KLHL11: variants seen among roughly 807,000 people sequenced by gnomAD.
The protein encoded by KLHL11 is kelch like family member 11.
In KLHL11, 26 loss-of-function variants were observed where a neutral mutation model predicts 56.1. That is an observed-to-expected ratio of 0.46 (90% confidence interval 0.34 to 0.64). KLHL11 has a LOEUF of 0.64. Among genes scored for constraint, KLHL11 ranks in the 30% least tolerant of loss-of-function variants. The pLI is 0.01. For missense variants in KLHL11, 627 were observed against 919.4 expected (o/e 0.68, Z 4.11); for synonymous variants, 338 against 345.8 (o/e 0.98, Z 0.25).
In KLHL11 at chr17:41,854,333, C is replaced by T. The variant is rs1555622293; in HGVS notation, c.1534G>A (p.Val512Ile). 6.2e-7 allele frequency: 1 copy of T among 1,614,196 alleles called. No individual in the cohort carries two copies. ...RFVYIAARTP[V>I]DRDTEDGLKA... ...AATCCATCTTCAGTGTCCCGGTCTACAGGAGTGCGGGCGGCAATGTATACA... is the reference window on the plus strand; with the variant it reads ...AATCCATCTTCAGTGTCCCGGTCTATAGGAGTGCGGGCGGCAATGTATACA... The change falls in exon 2 of 2, where the codon GTA becomes ATA. Residue 512 changes from valine (V) to isoleucine (I), a missense_variant. Coordinates refer to ENST00000319121, the MANE Select transcript of KLHL11 (RefSeq NM_018143.3). This position sits in a 1 kb window ranked among gnomAD's most constrained non-coding sequence, Gnocchi z 4.9.
In KLHL11 at chr17:41,854,551, A is replaced by C; in HGVS notation, c.1316T>G (p.Leu439Arg). Residue 439 changes from leucine to arginine, a missense_variant, in exon 2 of 2, where the codon CTG becomes CGG. Leu to Arg is a moderately radical substitution (Grantham distance 102). Transcript: ENST00000319121. The surrounding 1 kb of genome is among the most constrained non-coding windows in gnomAD (Gnocchi z 4.9). ...NLNTWEHVCS[L>R]MTRKHSFGLT... ...TCCAAAAGAATGCTTTCTTGTCATCAGACTACAAACATGTTCCCATGTATT... is the reference window on the plus strand; with the variant it reads ...TCCAAAAGAATGCTTTCTTGTCATCCGACTACAAACATGTTCCCATGTATT... 6.2e-7 allele frequency: 1 copy of C among 1,614,214 alleles called. No individual in the cohort carries two copies.
Position 41,864,813 on chromosome 17 carries a change from C to G in KLHL11, c.545+13G>C, listed in dbSNP as rs373900021. 1.0e-4 allele frequency: 150 copies of G among 1,492,130 alleles called. No individual in the cohort carries two copies. In the African/African-American group the frequency reaches 1.9e-3, roughly 19 times the overall value. 92.4% of individuals were successfully genotyped at this position (1,492,130 alleles called of 1,614,324 possible). ...CGCCCGCCGCCCTCCGCGCTCCCGC[C>G]TCCCTCGCCTACCTGTCGGCCAACT... On this transcript the variant is annotated intron_variant, in intron 1 of 1. Transcript: ENST00000319121.
At position 41,852,649 on chromosome 17, in the gene KLHL11, G is replaced by A. The variant is rs2048338395; in HGVS notation, c.*1091C>T. ...CTACTAAAAGCACAAAAATTAGCCA[G>A]GCGTGATGGTGGGTACCTGTAATCC... On this transcript the variant is annotated 3_prime_UTR_variant, in exon 2 of 2. Coordinates refer to ENST00000319121, the MANE Select transcript of KLHL11 (RefSeq NM_018143.3). Among the ~76,000 whole-genome samples, 1 of 151,880 alleles carries A rather than the reference G, an allele frequency of 6.6e-6. No homozygotes were observed. Among genetic ancestry groups the A allele is most frequent in the South Asian group, 2.1e-4 (1 of 4,810 alleles).
intron 1 of KLHL11, among the ~76,000 whole-genome samples, chr17:41,858,533 A>G (rs1227464030): frequency 1.3e-5 from 2 of 151,774 alleles, no homozygotes; most frequent in African/African-American, 4.8e-5. Context: ...CCCGGGTTCA[A>G]GCGATTCTCC....
At chr17:41,864,641 C>T (rs2048425548) in intron 1 of KLHL11, among the ~76,000 whole-genome samples, 185 bp downstream of exon 1, 1 of 152,262 alleles carries the variant, frequency 6.6e-6, no homozygotes, top group African/African-American at 2.4e-5. Flanking sequence ...CTCGCCGGAC[C>T]TGATGGTGCA....
Position 41,865,220 on chromosome 17 carries a change from C to G in KLHL11, c.151G>C (p.Gly51Arg). 6.2e-7 allele frequency: 1 copy of G among 1,602,818 alleles called. No individual in the cohort carries two copies. Among genetic ancestry groups the G allele is most frequent in the African/African-American group, 1.3e-5 (1 of 74,256 alleles). Residue 51 changes from glycine (G) to arginine (R), a missense_variant, in exon 1 of 2, where the codon GGG becomes CGG. Coordinates refer to ENST00000319121, the MANE Select transcript of KLHL11 (RefSeq NM_018143.3). The part of the protein sequence containing the change: ...RGSGTVDFGP[G>R]PGISAMEASG... ...GCCTCCATTGCAGAGATCCCCGGCCCAGGCCCGAAGTCCACCGTGCCGCTG... is the reference window on the plus strand; with the variant it reads ...GCCTCCATTGCAGAGATCCCCGGCCGAGGCCCGAAGTCCACCGTGCCGCTG...
In KLHL11 at chr17:41,864,986, G is replaced by A; in HGVS notation, c.385C>T (p.Gln129Ter). 6.2e-7 allele frequency: 1 copy of A among 1,610,126 alleles called. No individual in the cohort carries two copies. The highest frequency in any genetic ancestry group is 8.5e-7 in the Non-Finnish European group (1 of 1,178,500). ...CGTCCCGAGCGGGACTCGGAAAACT[G>A]GCCCGAGAGCAGGGGCGTGAAGTAC... ...TEYFTPLLSG[Q>*]FSESRSGRVE... The change falls in exon 1 of 2, where the codon CAG (glutamine) becomes TAG (stop). Residue 129 changes from glutamine to a stop codon, truncating the protein, a stop_gained. Transcript: ENST00000319121. LOFTEE classifies it high-confidence loss of function.
At chr17:41,856,915 G>A (rs2048370266) in intron 1 of KLHL11, among the ~76,000 whole-genome samples, 2 of 152,054 alleles carry the variant, frequency 1.3e-5, no homozygotes, top group Admixed American at 6.6e-5. Flanking sequence ...AGCTACTCGG[G>A]AGGCTGAGGC....
At chr17:41,861,302 C>T (rs1555623038) in intron 1 of KLHL11, among the ~76,000 whole-genome samples, 1 of 152,194 alleles carries the variant, frequency 6.6e-6, no homozygotes. Flanking sequence ...AAACTTCAGT[C>T]ACCCTTAGAG....
At chr17:41,856,028 T>C (rs945679597) in intron 1 of KLHL11, among the ~76,000 whole-genome samples, 5 of 150,906 alleles carry the variant, frequency 3.3e-5, no homozygotes, top group Non-Finnish European at 7.4e-5. Context: ...TCTCACTTTA[T>C]CGGCCAGGCT....
rs1396797003 is a variant in KLHL11 at position 41,852,876 on chromosome 17, T to C, written c.*864A>G. 6.6e-6 allele frequency among the ~76,000 whole-genome samples: 1 copy of C among 152,004 alleles called. No individual in the cohort carries two copies. Among genetic ancestry groups the C allele is most frequent in the Non-Finnish European group, 1.5e-5 (1 of 67,994 alleles). Reference sequence around the variant, plus strand: ...GGAAGGCATTGAGTGTCGATTGTCATAGGCATTATTTACACTCATTAACAT... The same window carrying C: ...GGAAGGCATTGAGTGTCGATTGTCACAGGCATTATTTACACTCATTAACAT... On this transcript the variant is annotated 3_prime_UTR_variant, in exon 2 of 2. Coordinates refer to ENST00000319121, the MANE Select transcript of KLHL11 (RefSeq NM_018143.3).
chr17:41,854,885 T>C lies in KLHL11; in HGVS notation c.982A>G (p.Arg328Gly). The C allele has an allele frequency of 6.2e-7, 1 of 1,614,190 alleles. No individual in the cohort carries two copies. Among genetic ancestry groups the C allele is most frequent in the Non-Finnish European group, 8.5e-7 (1 of 1,180,030 alleles). The part of the protein sequence containing the change: ...CVKLVADAVE[R>G]HALRAENIQS... ...ATATTCTCAGCTCTCAGAGCATGTC[T>C]CTCCACTGCGTCAGCGACCAACTTG... Residue 328 changes from arginine (R) to glycine (G), a missense_variant, in exon 2 of 2, where the codon AGA becomes GGA. Coordinates refer to ENST00000319121, the MANE Select transcript of KLHL11 (RefSeq NM_018143.3). The surrounding 1 kb of genome is among the most constrained non-coding windows in gnomAD (Gnocchi z 4.9).
chr17:41,858,844 G>C (rs1183414487), intron 1 of KLHL11, among the ~76,000 whole-genome samples: 1 of 152,000 alleles, frequency 6.6e-6, no homozygotes, highest in Non-Finnish European at 1.5e-5. Context: ...TTAGTGCTGA[G>C]ATTACAGGTG....
At chr17:41,860,870 A>G (rs1025999539) in intron 1 of KLHL11, among the ~76,000 whole-genome samples, 1 of 152,198 alleles carries the variant, frequency 6.6e-6, no homozygotes, top group Non-Finnish European at 1.5e-5. Context: ...AATAACCAGA[A>G]TATTTCACCC....
intron 1 of KLHL11, among the ~76,000 whole-genome samples, chr17:41,858,811 T>C (rs2048384773): frequency 1.3e-5 from 2 of 152,100 alleles, no homozygotes; most frequent in African/African-American, 4.8e-5. Context: ...CTTAAACTCC[T>C]GAGCTCAAGC....
rs537254298 is a variant in KLHL11 at position 41,849,260 on chromosome 17, G to A, written c.*4480C>T. On this transcript the variant is annotated 3_prime_UTR_variant, in exon 2 of 2. Transcript: ENST00000319121. Reference sequence around the variant, plus strand: ...CTTTCAAAGACATGAAATGTGGCCCGTATACTATATTTAAACTTAATTTGA... The same window carrying A: ...CTTTCAAAGACATGAAATGTGGCCCATATACTATATTTAAACTTAATTTGA... 13 of 151,954 alleles carry A rather than the reference G, an allele frequency of 8.6e-5. No individual in the cohort carries two copies. Among genetic ancestry groups the A allele is most frequent in the East Asian group, 5.8e-4 (3 of 5,184 alleles). 9.4% of individuals were successfully genotyped at this position (151,954 alleles called of 1,614,324 possible). A position where few individuals can be genotyped will look rare whatever the true frequency, so the allele number is the denominator to read the frequency against.
chr17:41,865,128 G>A lies in KLHL11; in HGVS notation c.243C>T (p.Ser81=), dbSNP rs2048430894. The part of the protein sequence containing the change: ...FECSSHCSEL[S]WRQNEQRRQG... ...GGCGCCGCTGCTCGTTCTGCCGCCA[G>A]GACAGCTCTGAGCAGTGAGAGCTGC... Residue 81 remains serine (S), a synonymous_variant, in exon 1 of 2, where the codon TCC becomes TCT. Coordinates refer to ENST00000319121, the MANE Select transcript of KLHL11 (RefSeq NM_018143.3). 20 of 1,609,978 alleles carry A rather than the reference G, an allele frequency of 1.2e-5. No homozygotes were observed. Among genetic ancestry groups the A allele is most frequent in the Non-Finnish European group, 1.6e-5 (19 of 1,178,510 alleles).
Position 41,854,980 on chromosome 17 carries a change from T to C in KLHL11, c.887A>G (p.Gln296Arg). The C allele has an allele frequency of 1.9e-6, 3 of 1,614,220 alleles. No homozygotes were observed. The highest frequency in any genetic ancestry group is 2.5e-6 in the Non-Finnish European group (3 of 1,180,038). Residue 296 changes from glutamine to arginine, a missense_variant, in exon 2 of 2, where the codon CAG (glutamine) becomes CGG (arginine). Physicochemically the swap from Gln to Arg is conservative, Grantham distance 43. Transcript: ENST00000319121. This position sits in a 1 kb window ranked among gnomAD's most constrained non-coding sequence, Gnocchi z 4.9. The part of the protein sequence containing the change: ...EELFKLLRLS[Q>R]MKPTYLTRHV... ...TCGAGTAAGGTAGGTAGGTTTCATC[T>C]GGGACAACCTGAGCAATTTAAAAAG...
In KLHL11 at chr17:41,851,930, A is replaced by G. The variant is rs2048334304; in HGVS notation, c.*1810T>C. Reference sequence around the variant, plus strand: ...CATCCCCTGGCCCAAAAAAAAAAAAAAGTCAATTTGAGTGCTAACTTTTAT... The same window carrying G: ...CATCCCCTGGCCCAAAAAAAAAAAAGAGTCAATTTGAGTGCTAACTTTTAT... On this transcript the variant is annotated 3_prime_UTR_variant, in exon 2 of 2. Transcript: ENST00000319121. Among the ~76,000 whole-genome samples the G allele has an allele frequency of 6.6e-6, 1 of 152,110 alleles. No homozygotes were observed. Among genetic ancestry groups the G allele is most frequent in the Non-Finnish European group, 1.5e-5 (1 of 68,016 alleles).
Sources: gnomAD v4.1 joint callset for allele counts (sites outside exome capture counted in the v4.1 genomes callset) on GRCh38, gnomAD v4.1.1 for gene constraint, Gnocchi (gnomAD v3.1) non-coding constraint, MANE v1.5 for transcripts, NCBI Gene and HGNC (gene_info 2026-07-23, HGNC 2026-07-21) for gene names.